UBE2R2: variants seen among roughly 807,000 people sequenced by gnomAD.
UBE2R2 encodes ubiquitin conjugating enzyme E2 R2, also known as ubiquitin-conjugating enzyme E2 R2.
UBE2R2 carries 1 observed loss-of-function variant against 27.8 expected under a neutral mutation model. The observed-to-expected ratio is 0.04, with a 90% CI of 0.01 to 0.17. The LOEUF (loss-of-function observed/expected upper bound fraction) is 0.17, where lower values mean the gene tolerates loss of function less well. UBE2R2 is among the 10% of genes least tolerant of loss of function. The pLI is 1.00. For synonymous variants in UBE2R2, 106 were observed against 113.3 expected, an observed-to-expected ratio of 0.94 and a Z score of 0.41; for missense variants, 100 against 291.0, an observed-to-expected ratio of 0.34 and a Z score of 4.78.
chr9:33,877,105 G>C (rs1278644569), intron 1 of UBE2R2, among the ~76,000 whole-genome samples: 1 of 150,210 alleles, frequency 6.7e-6, no homozygotes, highest in Non-Finnish European at 1.5e-5. Context: ...ACAACAGAGC[G>C]AAACTCCATC....
At chr9:33,844,756 C>G (rs943138512) in intron 1 of UBE2R2, among the ~76,000 whole-genome samples, 1 of 150,716 alleles carries the variant, frequency 6.6e-6, no homozygotes. Flanking sequence ...GAAAACCACT[C>G]AAAATCATTT....
rs1187183100 is a variant in UBE2R2 at position 33,822,097 on chromosome 9, T to TATA, written c.177+4163_177+4164insATA. Among the ~76,000 whole-genome samples the TATA allele has an allele frequency of 8.9e-3, 854 of 95,908 alleles. 5 individuals are homozygous for TATA. Among genetic ancestry groups the TATA allele is most frequent in the African/African-American group, 0.03 (802 of 26,386 alleles). The allele number at this position is 95,908 out of a possible 152,430, so 62.9% of individuals were successfully genotyped here. On this transcript the variant is annotated intron_variant, in intron 1 of 4. Transcript: ENST00000263228. ...CAACACTGACATATATATATATATA[T>TATA]TTTTTTTTTTTGAGACTGAGTTTTG...
chr9:33,911,107 A>T (rs893032215), intron 3 of UBE2R2, among the ~76,000 whole-genome samples: 3 of 151,674 alleles, frequency 2.0e-5, no homozygotes, highest in Non-Finnish European at 4.4e-5. Flanking sequence ...CTGTCAAAAA[A>T]CAAAACAAAA....
At chr9:33,886,779 A>G (rs1200874447) in intron 1 of UBE2R2, 102 bp from the exon 2 acceptor site, 2 of 949,496 alleles carry the variant, frequency 2.1e-6, no homozygotes, top group African/African-American at 1.7e-5. Context: ...AGTTTACTCT[A>G]TGAAAGGAGC....
At position 33,868,162 on chromosome 9, in the gene UBE2R2, C is replaced by G. The variant is rs549458558; in HGVS notation, c.178-18719C>G. Among the ~76,000 whole-genome samples the G allele has an allele frequency of 3.0e-3, 463 of 152,296 alleles. 1 individual carries two copies. The highest frequency in any genetic ancestry group is 0.01 in the African/African-American group (431 of 41,572). ...TGGCAGGCCCCTCTCCGAAGCCGCA[C>G]TGTCTGAAGATAGCCGAATTTTTCC... On this transcript the variant is annotated intron_variant, in intron 1 of 4. Coordinates refer to ENST00000263228, the MANE Select transcript of UBE2R2 (RefSeq NM_017811.4).
At chr9:33,866,581 T>C (rs1443005501) in intron 1 of UBE2R2, among the ~76,000 whole-genome samples, 2 of 152,172 alleles carry the variant, frequency 1.3e-5, no homozygotes, top group Non-Finnish European at 2.9e-5. Context: ...TAGAAAGTTG[T>C]ATGTGTCATA....
At chr9:33,837,495 A>T (rs2130734963) in intron 1 of UBE2R2, among the ~76,000 whole-genome samples, 1 of 148,384 alleles carries the variant, frequency 6.7e-6, no homozygotes, top group African/African-American at 2.5e-5. Flanking sequence ...GTGCGAACAT[A>T]GCTTACTGCA....
chr9:33,834,557 AT>A (rs1196130555), intron 1 of UBE2R2, among the ~76,000 whole-genome samples: 5 of 151,978 alleles, frequency 3.3e-5, no homozygotes, highest in Admixed American at 6.6e-5. Flanking sequence ...TTGTCACGAT[AT>A]TAGCTGTTAA....
At chr9:33,816,167 T>G (rs1370548283), upstream of UBE2R2, among the ~76,000 whole-genome samples, 2 of 152,192 alleles carry the variant, frequency 1.3e-5, no homozygotes, top group African/African-American at 4.8e-5. Context: ...TCCGAAACTG[T>G]GTGTGTAGAA....
At chr9:33,874,514 A>C (rs1010052645) in intron 1 of UBE2R2, among the ~76,000 whole-genome samples, 17 of 152,176 alleles carry the variant, frequency 1.1e-4, no homozygotes, top group African/African-American at 3.9e-4. Flanking sequence ...GTCTTTTTAA[A>C]TATATACATA....
chr9:33,827,491 A>G (rs1437174988), intron 1 of UBE2R2, among the ~76,000 whole-genome samples: 1 of 152,112 alleles, frequency 6.6e-6, no homozygotes, highest in Non-Finnish European at 1.5e-5. Flanking sequence ...AAATACAAAA[A>G]TTAGCCTGGT....
intron 1 of UBE2R2, among the ~76,000 whole-genome samples, chr9:33,838,266 TTTTTTTTTTCTTG>T (rs1287148820): frequency 2.7e-5 from 3 of 112,016 alleles, no homozygotes; most frequent in African/African-American, 1.0e-4. Context: ...TTTTTTACTG[TTTTTTTTTTCTTG>T]TTTTTTTTTC....
At chr9:33,906,777 C>T (rs1822367410) in intron 3 of UBE2R2, among the ~76,000 whole-genome samples, 1 of 152,148 alleles carries the variant, frequency 6.6e-6, no homozygotes, top group African/African-American at 2.4e-5. Context: ...TGGCTCATGT[C>T]CTTAATCCTA....
At chr9:33,839,727 G>C (rs541788540) in intron 1 of UBE2R2, among the ~76,000 whole-genome samples, 66 of 152,250 alleles carry the variant, frequency 4.3e-4, no homozygotes, top group African/African-American at 1.6e-3. Flanking sequence ...TAGGAGTGGT[G>C]GCTCATGCCT....
At chr9:33,834,630 A>C (rs1820572745) in intron 1 of UBE2R2, among the ~76,000 whole-genome samples, 1 of 151,670 alleles carries the variant, frequency 6.6e-6, no homozygotes, top group Non-Finnish European at 1.5e-5. Flanking sequence ...GAAAATATAG[A>C]CCTCGCACGG....
At chr9:33,879,299 T>TAAG (rs1019380960) in intron 1 of UBE2R2, among the ~76,000 whole-genome samples, 1 of 152,182 alleles carries the variant, frequency 6.6e-6, no homozygotes, top group African/African-American at 2.4e-5. Context: ...AGCTGAGTTG[T>TAAG]AGAGTCAGGA....
chr9:33,898,659 G>A (rs569357695), intron 2 of UBE2R2, among the ~76,000 whole-genome samples: 13 of 152,266 alleles, frequency 8.5e-5, no homozygotes, highest in South Asian at 6.2e-4. Flanking sequence ...GACTACTGAG[G>A]TGTGAGGATC....
intron 1 of UBE2R2, among the ~76,000 whole-genome samples, chr9:33,879,094 G>A: frequency 6.6e-6 from 1 of 152,030 alleles, no homozygotes. Flanking sequence ...AAATTTAGCT[G>A]GGCATGGTGT....
intron 1 of UBE2R2, among the ~76,000 whole-genome samples, chr9:33,844,664 A>G (rs1820802454): frequency 6.6e-6 from 1 of 151,988 alleles, no homozygotes; most frequent in Non-Finnish European, 1.5e-5. Context: ...CTAATTATTC[A>G]GTCACTTCGA....
Sources: gnomAD v4.1 joint callset for allele counts (sites outside exome capture counted in the v4.1 genomes callset) on GRCh38, gnomAD v4.1.1 for gene constraint, MANE v1.5 for transcripts, NCBI Gene and HGNC (gene_info 2026-07-23, HGNC 2026-07-21) for gene names.